The following BLOC1S5 variants were observed in gnomAD, a reference collection of about 807,000 sequenced individuals.
BLOC1S5 encodes the protein biogenesis of lysosome-related organelles complex 1 subunit 5.
A neutral mutation model predicts 24.3 loss-of-function variants in BLOC1S5; 27 were observed. The ratio of observed to expected loss-of-function variants is 1.11; its 90% CI spans 0.82 to 1.53. The LOEUF is 1.53. BLOC1S5 is among the 40% of genes most tolerant of loss of function. The pLI is 0.00. For synonymous variants in BLOC1S5, 84 were observed against 74.5 expected (o/e 1.13, Z -0.66); for missense variants, 239 against 229.4 (o/e 1.04, Z -0.27).
At chr6:8,055,706 T>C (rs1026134294) in intron 2 of BLOC1S5, among the ~76,000 whole-genome samples, 1 of 152,116 alleles carries the variant, frequency 6.6e-6, no homozygotes, top group Non-Finnish European at 1.5e-5. Context: ...TGTAAAACAT[T>C]ATTGTGAAAG....
At chr6:8,043,544 G>A (rs570113669) in intron 2 of BLOC1S5, among the ~76,000 whole-genome samples, 9 of 152,234 alleles carry the variant, frequency 5.9e-5, no homozygotes, top group Non-Finnish European at 7.4e-5. Context: ...AAGGAAAGGC[G>A]GAGGAACTGT....
At chr6:8,015,950 T>C (rs1762718762) in intron 4 of BLOC1S5, 122 bp from the exon 5 acceptor site, 7 of 832,452 alleles carry the variant, frequency 8.4e-6, no homozygotes, top group Non-Finnish European at 1.3e-5. Flanking sequence ...AGTTGTGTTA[T>C]AATATCCAAA....
chr6:8,026,620 A>G (rs1270719371), intron 3 of BLOC1S5, among the ~76,000 whole-genome samples, 195 bp from the exon 4 acceptor site: 1 of 152,224 alleles, frequency 6.6e-6, no homozygotes, highest in African/African-American at 2.4e-5. Flanking sequence ...TCAGGATGTC[A>G]TAATTAGAAC....
chr6:8,014,597 G>GT lies in BLOC1S5; in HGVS notation c.*1051dup, dbSNP rs780970574. 1 of 152,094 alleles carries GT rather than the reference G, an allele frequency of 6.6e-6. No homozygotes were observed. Among genetic ancestry groups the GT allele is most frequent in the Non-Finnish European group, 1.5e-5 (1 of 67,996 alleles). 9.4% of individuals were successfully genotyped at this position (152,094 alleles called of 1,614,324 possible). A position where few individuals can be genotyped will look rare whatever the true frequency, so the allele number is the denominator to read the frequency against. ...CCTCAAATTAGACTGTTAAATGCAG[G>GT]TTTTTAAAGATCACAGTGATGACAG... On this transcript the variant is annotated 3_prime_UTR_variant, in exon 5 of 5. Coordinates refer to ENST00000397457, the MANE Select transcript of BLOC1S5 (RefSeq NM_201280.3).
At chr6:8,033,437 G>C (rs1271485807) in intron 3 of BLOC1S5, among the ~76,000 whole-genome samples, 1 of 152,324 alleles carries the variant, frequency 6.6e-6, no homozygotes, top group African/African-American at 2.4e-5. Flanking sequence ...GTAGGAAGCT[G>C]AAACTGGATC....
rs150013660 is a variant in BLOC1S5, at chr6:8,049,921, G to A, written c.196-8653C>T. Among the ~76,000 whole-genome samples the A allele has an allele frequency of 2.7e-3, 413 of 151,996 alleles. 2 individuals are homozygous for A. The highest frequency in any genetic ancestry group is 6.4e-3 in the South Asian group (31 of 4,812). On this transcript the variant is annotated intron_variant, in intron 2 of 4. Transcript: ENST00000397457. ...AGACGGGGTTTCATCATGTTGCCCA[G>A]GGCTGGTCTCAAGCTCCTGAGCTCA...
intron 4 of BLOC1S5, among the ~76,000 whole-genome samples, chr6:8,017,501 C>T (rs1404300126): frequency 1.3e-5 from 2 of 152,198 alleles, no homozygotes; most frequent in Non-Finnish European, 2.9e-5. Flanking sequence ...TGCTGGTTAA[C>T]TCAGATGTCA....
chr6:8,055,375 T>C (rs1370309841), intron 2 of BLOC1S5, among the ~76,000 whole-genome samples: 14 of 152,328 alleles, frequency 9.2e-5, no homozygotes, highest in Admixed American at 9.1e-4. Flanking sequence ...GTGGAGGTTG[T>C]AGTGAGCCGA....
At chr6:8,057,055 T>G (rs556503928) in intron 2 of BLOC1S5, among the ~76,000 whole-genome samples, 1 of 151,912 alleles carries the variant, frequency 6.6e-6, no homozygotes, top group South Asian at 2.1e-4. Context: ...TGTTCTCTAC[T>G]AAAAAAATAC....
chr6:8,028,934 T>G lies in BLOC1S5; in HGVS notation c.326-2509A>C, dbSNP rs763921162. 1.1e-3 allele frequency among the ~76,000 whole-genome samples: 160 copies of G among 152,092 alleles called. 4 individuals carry two copies. The highest frequency in any genetic ancestry group is 1.5e-4 in the Non-Finnish European group (10 of 68,018). The stretch of plus-strand genomic sequence containing the variant: ...ACTCAGTACGAAGTCATTTCCCCTG[T>G]TATCTCAGTGTTTTAGGAGACTATA... On this transcript the variant is annotated intron_variant, in intron 3 of 4. Transcript: ENST00000397457.
At chr6:8,050,279 C>T (rs1389626441) in intron 2 of BLOC1S5, among the ~76,000 whole-genome samples, 3 of 152,002 alleles carry the variant, frequency 2.0e-5, no homozygotes, top group South Asian at 2.1e-4. Flanking sequence ...AGTTTTGGGG[C>T]GCCACAAACC....
chr6:8,055,219 G>A (rs1364209012), intron 2 of BLOC1S5, among the ~76,000 whole-genome samples: 1 of 152,176 alleles, frequency 6.6e-6, no homozygotes, highest in Non-Finnish European at 1.5e-5. Context: ...ATCACCTGAG[G>A]TCATGAGTTT....
At chr6:8,033,261 T>G (rs1763366508) in intron 3 of BLOC1S5, among the ~76,000 whole-genome samples, 1 of 152,206 alleles carries the variant, frequency 6.6e-6, no homozygotes, top group Non-Finnish European at 1.5e-5. Context: ...AACAGCATGG[T>G]ACTGGTACCA....
intron 3 of BLOC1S5, among the ~76,000 whole-genome samples, chr6:8,028,922 T>C (rs76697064): frequency 0.038 from 5,825 of 151,932 alleles, 355 homozygotes; most frequent in African/African-American, 0.13. Context: ...CAGTACGAAG[T>C]CATTTCCCCT....
At chr6:8,044,826 C>T (rs1561865794) in intron 2 of BLOC1S5, among the ~76,000 whole-genome samples, 1 of 152,162 alleles carries the variant, frequency 6.6e-6, no homozygotes. Flanking sequence ...AGGAGCAAAG[C>T]ATTCAAGAGG....
At chr6:8,059,086 G>T (rs912614617) in intron 2 of BLOC1S5, among the ~76,000 whole-genome samples, 2 of 152,156 alleles carry the variant, frequency 1.3e-5, no homozygotes, top group Non-Finnish European at 2.9e-5. Flanking sequence ...TTCCTCCAAG[G>T]CTAGAAAGAC....
intron 4 of BLOC1S5, among the ~76,000 whole-genome samples, chr6:8,023,212 G>C (rs2075821159): frequency 2.6e-5 from 4 of 152,162 alleles, no homozygotes; most frequent in Admixed American, 2.6e-4. Context: ...ATGCAACTTT[G>C]TACTAGTGGT....
At chr6:8,019,457 C>A (rs528891731) in intron 4 of BLOC1S5, among the ~76,000 whole-genome samples, 10 of 151,952 alleles carry the variant, frequency 6.6e-5, no homozygotes, top group Non-Finnish European at 1.5e-4. Flanking sequence ...TTAGTAAAGA[C>A]AAGGTTTCAC....
intron 2 of BLOC1S5, among the ~76,000 whole-genome samples, chr6:8,050,234 C>G (rs1047993271): frequency 6.6e-6 from 1 of 152,162 alleles, no homozygotes; most frequent in African/African-American, 2.4e-5. Context: ...TAAGGGTGAT[C>G]TGTGATCAGT....
Sources: gnomAD v4.1 joint callset for allele counts (sites outside exome capture counted in the v4.1 genomes callset) on GRCh38, gnomAD v4.1.1 for gene constraint, MANE v1.5 for transcripts, NCBI Gene and HGNC (gene_info 2026-07-23, HGNC 2026-07-21) for gene names.